Variants in CFHR2 observed in about 807,000 individuals in gnomAD.
The protein encoded by CFHR2 is complement factor H-related protein 2.
A neutral mutation model predicts 21.7 loss-of-function variants in CFHR2; 22 were observed. The ratio of observed to expected loss-of-function variants is 1.01; its 90% confidence interval spans 0.72 to 1.45. The LOEUF is 1.45. CFHR2 is among the 40% of genes most tolerant of loss of function. CFHR2 has a pLI of 0.00. For missense variants in CFHR2, 294 were observed against 293.3 expected (o/e 1.00, Z -0.02); for synonymous variants, 98 against 97.4 (o/e 1.01, Z -0.04).
At position 196,948,668 on chromosome 1, in the gene CFHR2, G is replaced by A. The variant is rs189799561; in HGVS notation, c.59-787G>A. Among the ~76,000 whole-genome samples, 865 of 151,960 alleles carry A rather than the reference G, an allele frequency of 5.7e-3. 4 individuals carry two copies. The highest frequency in any genetic ancestry group is 0.012 in the Admixed American group (187 of 15,260). ...TAGTTGTTATATTGTATTTTTAATT[G>A]CATTATTTTTATTGTTTTATTGTCT... On this transcript the variant is annotated intron_variant, in intron 1 of 4. Coordinates refer to ENST00000367415, the MANE Select transcript of CFHR2 (RefSeq NM_005666.4).
chr1:196,953,232 C>T (rs990000509), intron 3 of CFHR2, among the ~76,000 whole-genome samples: 3 of 151,762 alleles, frequency 2.0e-5, no homozygotes, highest in Non-Finnish European at 4.4e-5. Context: ...GGAAACCCTA[C>T]ATCAGCCAAG....
rs1220101403 is a variant in CFHR2, at chr1:196,959,074, A to G, written c.807A>G (p.Glu269=). The change falls in exon 5 of 5, where the codon GAA becomes GAG. Residue 269 remains glutamate, a synonymous_variant. Transcript: ENST00000367415. ...NGKLVYPSCE[E]K is the part of the protein sequence containing the mutation. ...AACTGGTATATCCCAGTTGTGAAGA[A>G]AAATAGAATCAATGGCATTACTATT... 1 of 1,595,758 alleles carries G rather than the reference A, an allele frequency of 6.3e-7. No individual in the cohort carries two copies. The highest frequency in any genetic ancestry group is 2.2e-5 in the East Asian group (1 of 44,566).
intron 1 of CFHR2, among the ~76,000 whole-genome samples, chr1:196,947,825 A>T (rs1165063872): frequency 9.6e-6 from 1 of 104,166 alleles, no homozygotes; most frequent in Non-Finnish European, 2.2e-5. Context: ...TGGAATGTAC[A>T]ACATCAAGAG....
intron 2 of CFHR2, 81 bp downstream of exon 2, chr1:196,949,730 A>G (rs571244039): frequency 3.6e-4 from 556 of 1,557,102 alleles, no homozygotes; most frequent in Admixed American, 7.4e-4. Context: ...TAAACACTTG[A>G]TAATCACAGG....
intron 3 of CFHR2, among the ~76,000 whole-genome samples, chr1:196,953,945 A>G (rs1256273883): frequency 1.3e-5 from 2 of 152,156 alleles, no homozygotes; most frequent in Non-Finnish European, 2.9e-5. Context: ...TTAATGAAAG[A>G]TGATTAAATA....
intron 2 of CFHR2, 112 bp downstream of exon 2, chr1:196,949,761 G>A (rs1308231805): frequency 3.7e-6 from 5 of 1,341,016 alleles, no homozygotes; most frequent in Non-Finnish European, 4.2e-6. Flanking sequence ...AGAGGAGCTG[G>A]AAAGATGGGA....
chr1:196,949,701 G>T (rs753356137), intron 2 of CFHR2, 52 bp downstream of exon 2: 1 of 1,602,532 alleles, frequency 6.2e-7, no homozygotes, highest in Admixed American at 1.7e-5. Context: ...AACAGAGAAG[G>T]ATATGCCAGA....
At chr1:196,956,134 A>G (rs1458224939) in intron 3 of CFHR2, among the ~76,000 whole-genome samples, 2 of 152,196 alleles carry the variant, frequency 1.3e-5, no homozygotes, top group South Asian at 2.1e-4. Context: ...ATTACAATTC[A>G]AGATAAGATG....
At chr1:196,958,822 G>C (rs535350160) in intron 4 of CFHR2, 59 bp from the exon 5 acceptor site, 3 of 1,104,500 alleles carry the variant, frequency 2.7e-6, no homozygotes, top group Middle Eastern at 2.8e-4. Flanking sequence ...TTGAAAACCT[G>C]AGTCTATGAA....
intron 3 of CFHR2, among the ~76,000 whole-genome samples, chr1:196,952,915 A>C (rs1394609424): frequency 6.6e-6 from 1 of 152,214 alleles, no homozygotes; most frequent in Non-Finnish European, 1.5e-5. Flanking sequence ...CCCTTATTCC[A>C]AAAGCATAAG....
chr1:196,952,897 T>C (rs1652674683), intron 3 of CFHR2, among the ~76,000 whole-genome samples: 2 of 152,212 alleles, frequency 1.3e-5, no homozygotes, highest in African/African-American at 2.4e-5. Context: ...CTTTCCCTCT[T>C]TGCCTGTCCC....
At chr1:196,947,176 T>C (rs1213322228) in intron 1 of CFHR2, among the ~76,000 whole-genome samples, 1 of 152,078 alleles carries the variant, frequency 6.6e-6, no homozygotes, top group Non-Finnish European at 1.5e-5. Flanking sequence ...AATATATTCA[T>C]AATATTCTAT....
At chr1:196,949,718 C>G in intron 2 of CFHR2, 69 bp downstream of exon 2, 1 of 1,580,076 alleles carries the variant, frequency 6.3e-7, no homozygotes. Context: ...CAGACAAGAT[C>G]ATAAACACTT....
At chr1:196,947,293 A>G (rs1475666420) in intron 1 of CFHR2, among the ~76,000 whole-genome samples, 1 of 152,222 alleles carries the variant, frequency 6.6e-6, no homozygotes, top group Non-Finnish European at 1.5e-5. Flanking sequence ...CATTGCAGAT[A>G]TGCACAATGA....
intron 1 of CFHR2, among the ~76,000 whole-genome samples, chr1:196,948,051 T>G (rs1659580053): frequency 6.6e-6 from 1 of 152,046 alleles, no homozygotes; most frequent in South Asian, 2.1e-4. Context: ...AGTATGAAGA[T>G]TTCACCCATT....
At chr1:196,947,001 A>G (rs1419427754) in intron 1 of CFHR2, among the ~76,000 whole-genome samples, 1 of 152,312 alleles carries the variant, frequency 6.6e-6, no homozygotes, top group East Asian at 1.9e-4. Context: ...CTGCTATGTT[A>G]TGATGGCTAT....
intron 3 of CFHR2, among the ~76,000 whole-genome samples, chr1:196,953,414 T>C (rs1183473617): frequency 6.6e-6 from 1 of 152,032 alleles, no homozygotes; most frequent in Non-Finnish European, 1.5e-5. Flanking sequence ...TCCTGAGTAG[T>C]TGGGATTACA....
intron 3 of CFHR2, among the ~76,000 whole-genome samples, chr1:196,953,904 A>T (rs78590242): frequency 6.6e-6 from 1 of 152,122 alleles, no homozygotes; most frequent in African/African-American, 2.4e-5. Context: ...AGTTTACATA[A>T]GAATTAATAT....
intron 1 of CFHR2, among the ~76,000 whole-genome samples, chr1:196,947,322 A>C (rs1558266699): frequency 6.6e-6 from 1 of 152,324 alleles, no homozygotes; most frequent in South Asian, 2.1e-4. Flanking sequence ...TGAATGTCAT[A>C]GAGTTAATTC....
Sources: gnomAD v4.1 joint callset for allele counts (sites outside exome capture counted in the v4.1 genomes callset) on GRCh38, gnomAD v4.1.1 for gene constraint, MANE v1.5 for transcripts, NCBI Gene and HGNC (gene_info 2026-07-23, HGNC 2026-07-21) for gene names.